Variants in NRXN3 observed in about 807,000 individuals in gnomAD.
The protein encoded by NRXN3 is neurexin III.
Under a neutral mutation model 137.6 loss-of-function variants are expected in NRXN3, and 32 were observed. The ratio of observed to expected loss-of-function variants is 0.23; its 90% CI spans 0.18 to 0.31. NRXN3 has a LOEUF of 0.31. NRXN3 is among the 10% of genes least tolerant of loss of function. The probability of loss-of-function intolerance (pLI) is 1.00; values close to 1 mark genes in which losing one functional copy is unlikely to be tolerated. For missense variants in NRXN3, 1,574 were observed against 2,062.5 expected, an observed-to-expected ratio of 0.76 and a Z score of 4.59; for synonymous variants, 798 against 784.5, an observed-to-expected ratio of 1.02 and a Z score of -0.29.
At position 78,966,531 on chromosome 14, in the gene NRXN3, A is replaced by G. The variant is rs541772164; in HGVS notation, c.2777+125A>G. ...CCCTCCATTCCTGACACATTCTCGC[A>G]TCTTCCTTGATTAAATGGATCCATA... On this transcript the variant is annotated intron_variant, in intron 12 of 20. Coordinates refer to ENST00000335750, the MANE Select transcript of NRXN3 (RefSeq NM_001330195.2). The G allele has an allele frequency of 1.5e-4, 145 of 984,998 alleles. 3 individuals carry two copies. In the South Asian group the frequency reaches 2.4e-3, roughly 16 times the overall value. 61.0% of individuals were successfully genotyped at this position (984,998 alleles called of 1,614,324 possible). A position where few individuals can be genotyped will look rare whatever the true frequency, so the allele number is the denominator to read the frequency against.
At chr14:79,228,495 G>T (rs2071492471) in intron 15 of NRXN3, among the ~76,000 whole-genome samples, 1 of 152,128 alleles carries the variant, frequency 6.6e-6, no homozygotes, top group African/African-American at 2.4e-5. Flanking sequence ...AAAGTTTAAT[G>T]CCAAACTGCT....
chr14:79,626,834 C>A lies in NRXN3; in HGVS notation c.3445-36944C>A, dbSNP rs1006120214. Among the ~76,000 whole-genome samples, 9 of 152,096 alleles carry A rather than the reference C, an allele frequency of 5.9e-5. 1 individual carries two copies. The highest frequency in any genetic ancestry group is 3.3e-4 in the Admixed American group (5 of 15,276). ...AATACAGTATTATTTCTATCCCAAT[C>A]ATGTTTAAGGATTATTATTTTACAT... On this transcript the variant is annotated intron_variant, in intron 16 of 20. Coordinates refer to ENST00000335750, the MANE Select transcript of NRXN3 (RefSeq NM_001330195.2).
intron 16 of NRXN3, among the ~76,000 whole-genome samples, chr14:79,558,130 C>T (rs2097449809): frequency 6.6e-6 from 1 of 152,110 alleles, no homozygotes; most frequent in Non-Finnish European, 1.5e-5. Flanking sequence ...TTACCTTGTT[C>T]TTTCCATCAC....
At chr14:78,232,230 CTTTGCCAG>C (rs1244332544) in intron 1 of NRXN3, among the ~76,000 whole-genome samples, 1 of 152,242 alleles carries the variant, frequency 6.6e-6, no homozygotes, top group East Asian at 1.9e-4. Flanking sequence ...TGTCCAGAGC[CTTTGCCAG>C]TTTGTTCTGT....
chr14:78,824,948 T>C (rs2098961941), intron 10 of NRXN3, among the ~76,000 whole-genome samples: 1 of 152,144 alleles, frequency 6.6e-6, no homozygotes, highest in African/African-American at 2.4e-5. Flanking sequence ...ACCTACTATG[T>C]ACCCATAAAA....
chr14:78,453,554 C>T (rs2094601858), intron 4 of NRXN3, among the ~76,000 whole-genome samples: 1 of 152,194 alleles, frequency 6.6e-6, no homozygotes, highest in African/African-American at 2.4e-5. Context: ...TTTGTCCTTT[C>T]TTCATTCCTT....
chr14:78,936,090 A>T (rs76843226), intron 10 of NRXN3, among the ~76,000 whole-genome samples: 1 of 152,182 alleles, frequency 6.6e-6, no homozygotes, highest in African/African-American at 2.4e-5. Context: ...ACAATGTCCA[A>T]TTCCTTAGCA....
At chr14:79,393,538 A>C (rs1050692303) in intron 15 of NRXN3, among the ~76,000 whole-genome samples, 5 of 152,212 alleles carry the variant, frequency 3.3e-5, no homozygotes, top group Admixed American at 2.6e-4. Context: ...AACTTTTAAA[A>C]GCACATATTG....
At chr14:79,301,283 G>A (rs2085092600) in intron 15 of NRXN3, among the ~76,000 whole-genome samples, 1 of 152,140 alleles carries the variant, frequency 6.6e-6, no homozygotes, top group Admixed American at 6.6e-5. Context: ...GTTTGCCCTG[G>A]CAGCTTTTTT....
intron 15 of NRXN3, among the ~76,000 whole-genome samples, chr14:79,267,526 TTTTGTA>T (rs1301615152): frequency 2.6e-5 from 4 of 151,880 alleles, no homozygotes; most frequent in African/African-American, 9.7e-5. Context: ...CCCAGCTAAG[TTTTGTA>T]TTTTTAGTAG....
chr14:79,535,311 CGCTG>C (rs2097201631), intron 16 of NRXN3, among the ~76,000 whole-genome samples: 1 of 152,132 alleles, frequency 6.6e-6, no homozygotes, highest in Non-Finnish European at 1.5e-5. Context: ...TCATTATGCT[CGCTG>C]ACTGATTTAA....
intron 8 of NRXN3, among the ~76,000 whole-genome samples, chr14:78,758,657 T>A (rs1240541447): frequency 6.6e-6 from 1 of 152,232 alleles, no homozygotes; most frequent in Non-Finnish European, 1.5e-5. Context: ...TTTTCTTTCT[T>A]ATGGTGCCTC....
At chr14:79,390,775 C>T (rs933806336) in intron 15 of NRXN3, among the ~76,000 whole-genome samples, 1 of 152,074 alleles carries the variant, frequency 6.6e-6, no homozygotes, top group African/African-American at 2.4e-5. Flanking sequence ...TTGAATGTGT[C>T]CCCTAAAGTT....
chr14:79,821,268 CTTGT>C (rs2099271496), intron 20 of NRXN3, among the ~76,000 whole-genome samples: 1 of 152,118 alleles, frequency 6.6e-6, no homozygotes, highest in African/African-American at 2.4e-5. Context: ...GGTTTGTTTA[CTTGT>C]TTGTTTACAC....
chr14:78,229,622 C>T (rs981908291), intron 1 of NRXN3, among the ~76,000 whole-genome samples: 3 of 152,180 alleles, frequency 2.0e-5, no homozygotes, highest in East Asian at 1.9e-4. Context: ...TTCAAATTTC[C>T]GTCTGCTTCC....
chr14:79,650,807 T>A (rs112971209), intron 16 of NRXN3, among the ~76,000 whole-genome samples: 2,560 of 152,252 alleles, frequency 0.017, 75 homozygotes, highest in African/African-American at 0.057. Flanking sequence ...GACTACATGT[T>A]AAAATTCTGA....
At chr14:78,870,166 CAGA>C (rs1170157716) in intron 10 of NRXN3, among the ~76,000 whole-genome samples, 1 of 152,144 alleles carries the variant, frequency 6.6e-6, no homozygotes, top group Non-Finnish European at 1.5e-5. Context: ...TTGCTAAAAC[CAGA>C]TTTTACAAGG....
At chr14:79,314,733 G>A (rs1009667232) in intron 15 of NRXN3, among the ~76,000 whole-genome samples, 86 of 146,682 alleles carry the variant, frequency 5.9e-4, no homozygotes, top group African/African-American at 1.9e-3. Flanking sequence ...CGGGCAGACT[G>A]CCTCCTCAAG....
rs143001528 is a variant in NRXN3, at chr14:78,322,370, A to G, written c.757+24510A>G. 1.3e-3 allele frequency among the ~76,000 whole-genome samples: 196 copies of G among 152,066 alleles called. 4 individuals carry two copies. The highest frequency in any genetic ancestry group is 4.4e-3 in the African/African-American group (183 of 41,386). ...ATTCCTCCTGGACTCTAGTTTGAAC[A>G]TCCTTTGCCTTGCTCTTGCTACTCC... On this transcript the variant is annotated intron_variant, in intron 4 of 20. Coordinates refer to ENST00000335750, the MANE Select transcript of NRXN3 (RefSeq NM_001330195.2).
Sources: gnomAD v4.1 joint callset for allele counts (sites outside exome capture counted in the v4.1 genomes callset) on GRCh38, gnomAD v4.1.1 for gene constraint, MANE v1.5 for transcripts, NCBI Gene and HGNC (gene_info 2026-07-23, HGNC 2026-07-21) for gene names.